Variants in ZNF385D observed in about 807,000 individuals in gnomAD.
The protein encoded by ZNF385D is zinc finger protein 659.
ZNF385D carries 15 observed loss-of-function variants against 35.8 expected under a neutral mutation model. The ratio of observed to expected loss-of-function variants is 0.42; its 90% CI spans 0.28 to 0.64. The LOEUF is 0.64. Ranked by LOEUF, ZNF385D falls within the 30% of genes least tolerant of loss-of-function variation. The pLI is 0.23. For synonymous variants in ZNF385D, 212 were observed against 186.8 expected (o/e 1.13, Z -1.10); for missense variants, 474 against 494.6 (o/e 0.96, Z 0.39).
At chr3:21,573,279 AT>A (rs1468038106) in intron 2 of ZNF385D, among the ~76,000 whole-genome samples, 1 of 152,206 alleles carries the variant, frequency 6.6e-6, no homozygotes, top group Admixed American at 6.5e-5. Flanking sequence ...TTAAAAAGCA[AT>A]TTGTAGAAGA....
At chr3:21,653,573 A>G (rs1015956543) in intron 2 of ZNF385D, among the ~76,000 whole-genome samples, 1 of 152,100 alleles carries the variant, frequency 6.6e-6, no homozygotes, top group Non-Finnish European at 1.5e-5. Flanking sequence ...AATTTTCACT[A>G]TGATTTTAGG....
Position 21,564,645 on chromosome 3 carries a change from C to A in ZNF385D, c.205G>T (p.Gly69Trp). 1 of 1,580,184 alleles carries A rather than the reference C, an allele frequency of 6.3e-7. No homozygotes were observed. ...IQKAVINHTF[G>W]VPLPHRRKQI... ...TTTCTTCGGTGGGGAAGAGGAACCC[C>A]GAATGTATGGTTTATTACAGCTTTC... The change falls in exon 3 of 8, where the codon GGG becomes TGG. Residue 69 changes from glycine to tryptophan, a missense_variant. Coordinates refer to ENST00000281523, the MANE Select transcript of ZNF385D (RefSeq NM_024697.3).
chr3:21,888,383 C>G (rs1698663280), intron 3 of ZNF385D, among the ~76,000 whole-genome samples: 1 of 151,742 alleles, frequency 6.6e-6, no homozygotes, highest in Admixed American at 6.6e-5. Context: ...ACCACTAGCA[C>G]TGAATTGAAG....
At chr3:22,270,731 AAT>A (rs545433354) in intron 2 of ZNF385D, among the ~76,000 whole-genome samples, 200 of 152,132 alleles carry the variant, frequency 1.3e-3, no homozygotes, top group Admixed American at 2.8e-3. Flanking sequence ...AGAGTTGTAC[AAT>A]ATGTTATATA....
intron 2 of ZNF385D, among the ~76,000 whole-genome samples, chr3:21,622,777 C>T (rs2065041281): frequency 6.6e-6 from 1 of 151,958 alleles, no homozygotes; most frequent in African/African-American, 2.4e-5. Context: ...TTGATCATGG[C>T]TCTAATACTT....
At chr3:22,121,138 A>G (rs574430115) in intron 3 of ZNF385D, among the ~76,000 whole-genome samples, 1 of 152,168 alleles carries the variant, frequency 6.6e-6, no homozygotes, top group Non-Finnish European at 1.5e-5. Context: ...TATCAACTTC[A>G]TCAGTAAAGC....
chr3:21,807,814 C>T (rs1382421972), intron 3 of ZNF385D, among the ~76,000 whole-genome samples: 5 of 152,106 alleles, frequency 3.3e-5, no homozygotes, highest in Non-Finnish European at 5.9e-5. Context: ...AAAGGCCCCA[C>T]TTTTGAGATT....
intron 3 of ZNF385D, among the ~76,000 whole-genome samples, chr3:21,810,990 G>GTATATATA (rs1289420492): frequency 4.1e-5 from 4 of 97,252 alleles, no homozygotes; most frequent in South Asian, 3.4e-4. Context: ...GTGTGTGTGT[G>GTATATATA]TGTGTGTGTA....
chr3:22,096,382 C>T (rs1701633876), intron 3 of ZNF385D, among the ~76,000 whole-genome samples: 2 of 151,786 alleles, frequency 1.3e-5, no homozygotes, highest in Admixed American at 6.6e-5. Context: ...CTGTTTATGG[C>T]TTATTGTTTA....
At chr3:22,160,965 A>G (rs1355093236) in intron 3 of ZNF385D, among the ~76,000 whole-genome samples, 1 of 152,100 alleles carries the variant, frequency 6.6e-6, no homozygotes, top group Non-Finnish European at 1.5e-5. Context: ...CCCTTGTAAT[A>G]TGTCTTTCAA....
rs185523232 is a variant in ZNF385D at position 22,329,926 on chromosome 3, C to G, written c.106+42524G>C. 5.7e-4 allele frequency among the ~76,000 whole-genome samples: 87 copies of G among 152,274 alleles called. 1 individual carries two copies. The highest frequency in any genetic ancestry group is 2.0e-3 in the African/African-American group (84 of 41,556). On this transcript the variant is annotated intron_variant, in intron 2 of 5. Transcript: ENST00000494108. ...TATCGCACATCTCAATTCAGACTAG[C>G]TACATTTCAAATGTTCACTATTCAC...
intron 2 of ZNF385D, among the ~76,000 whole-genome samples, chr3:22,311,390 AT>A (rs1317914882): frequency 2.0e-5 from 3 of 152,106 alleles, no homozygotes; most frequent in Non-Finnish European, 4.4e-5. Flanking sequence ...TTGGGTTAAT[AT>A]TTCCAGTATT....
At chr3:21,747,559 G>A (rs1489326908) in intron 1 of ZNF385D, among the ~76,000 whole-genome samples, 2 of 152,200 alleles carry the variant, frequency 1.3e-5, no homozygotes, top group East Asian at 1.9e-4. Context: ...CACTGGCAAC[G>A]ACTCACCTAT....
chr3:22,279,077 G>A (rs959822251), intron 2 of ZNF385D, among the ~76,000 whole-genome samples: 1 of 152,008 alleles, frequency 6.6e-6, no homozygotes, highest in African/African-American at 2.4e-5. Flanking sequence ...AGAAATACAG[G>A]ACTATCTCCA....
At chr3:21,447,376 A>G (rs1199987990) in intron 4 of ZNF385D, among the ~76,000 whole-genome samples, 1 of 152,238 alleles carries the variant, frequency 6.6e-6, no homozygotes, top group African/African-American at 2.4e-5. Flanking sequence ...GCCCTCCAAA[A>G]TCTATGAATG....
intron 3 of ZNF385D, among the ~76,000 whole-genome samples, chr3:22,101,706 C>T (rs970311246): frequency 4.0e-5 from 6 of 151,872 alleles, no homozygotes; most frequent in Admixed American, 2.6e-4. Flanking sequence ...GGAAAGGATT[C>T]TCTGGCAAAA....
chr3:22,267,577 C>T (rs1315586759), intron 2 of ZNF385D, among the ~76,000 whole-genome samples: 1 of 151,838 alleles, frequency 6.6e-6, no homozygotes, highest in Admixed American at 6.6e-5. Flanking sequence ...TAACTCACAA[C>T]CCCAGATGAG....
At chr3:21,758,974 G>GAAAAAAAAA (rs1384844642) in intron 3 of ZNF385D, among the ~76,000 whole-genome samples, 1 of 14,158 alleles carries the variant, frequency 7.1e-5, no homozygotes, top group Non-Finnish European at 1.1e-4. Context: ...ATCATCACTG[G>GAAAAAAAAA]CAAAAAAAAA....
At chr3:21,771,393 T>A (rs374616487) in intron 3 of ZNF385D, among the ~76,000 whole-genome samples, 2 of 151,106 alleles carry the variant, frequency 1.3e-5, no homozygotes. Flanking sequence ...ATTTTCAGAG[T>A]TACCACATTA....
Sources: allele counts gnomAD v4.1 joint callset (sites outside exome capture counted in the v4.1 genomes callset), GRCh38; gene constraint gnomAD v4.1.1; transcripts MANE v1.5; gene names NCBI Gene and HGNC (gene_info 2026-07-23, HGNC 2026-07-21).